The following ST3GAL3 variants were observed in gnomAD, a reference collection of about 807,000 sequenced individuals.
ST3GAL3 encodes CMP-N-acetylneuraminate-beta-1,4-galactoside alpha-2,3-sialyltransferase.
ST3GAL3 carries 21 observed loss-of-function variants against 50.1 expected under a neutral mutation model. The ratio of observed to expected loss-of-function variants is 0.42; its 90% CI spans 0.30 to 0.60. The LOEUF (loss-of-function observed/expected upper bound fraction) is 0.60. ST3GAL3 is among the 20% of genes least tolerant of loss of function. The probability of loss-of-function intolerance (pLI) is 0.19; values close to 1 mark genes in which losing one functional copy is unlikely to be tolerated. For synonymous variants in ST3GAL3, 183 were observed against 190.0 expected (o/e 0.96, Z 0.30); for missense variants, 353 against 489.4 (o/e 0.72, Z 2.63).
chr1:43,765,768 TGTGTGTGTGTGTGTGTGC>T (rs1173866405), intron 2 of ST3GAL3, among the ~76,000 whole-genome samples: 5 of 134,920 alleles, frequency 3.7e-5, no homozygotes, highest in Non-Finnish European at 7.8e-5. Context: ...TGTGTGTGTG[TGTGTGTGTGTGTGTGTGC>T]GCGCGCGCGC....
At chr1:43,752,448 C>A (rs1035765804) in intron 2 of ST3GAL3, among the ~76,000 whole-genome samples, 16 of 152,196 alleles carry the variant, frequency 1.1e-4, no homozygotes, top group African/African-American at 3.9e-4. Context: ...CCACCTGTTT[C>A]ATAGACTAAA....
chr1:43,779,383 G>C (rs1698585252), intron 2 of ST3GAL3, among the ~76,000 whole-genome samples: 1 of 152,176 alleles, frequency 6.6e-6, no homozygotes, highest in Admixed American at 6.5e-5. Context: ...TTTAGTGTTT[G>C]TTCGTATTGA....
intron 1 of ST3GAL3, among the ~76,000 whole-genome samples, chr1:43,731,149 C>T (rs1675580024): frequency 6.6e-6 from 1 of 151,858 alleles, no homozygotes; most frequent in Admixed American, 6.6e-5. Flanking sequence ...CCTACCTTAG[C>T]CTCCCAATTG....
At chr1:43,748,245 C>CA (rs1352986886) in intron 2 of ST3GAL3, among the ~76,000 whole-genome samples, 1 of 151,608 alleles carries the variant, frequency 6.6e-6, no homozygotes, top group African/African-American at 2.4e-5. Context: ...GCAATAGCAT[C>CA]AAAAAAATAA....
chr1:43,795,401 G>T (rs1330133056), intron 3 of ST3GAL3, among the ~76,000 whole-genome samples: 1 of 152,100 alleles, frequency 6.6e-6, no homozygotes, highest in African/African-American at 2.4e-5. Flanking sequence ...CAGTTTTCCC[G>T]ACAACACCTA....
At chr1:43,778,644 CTTTTTTTTT>C (rs35726867) in intron 2 of ST3GAL3, among the ~76,000 whole-genome samples, 1 of 118,704 alleles carries the variant, frequency 8.4e-6, no homozygotes. Flanking sequence ...TTCTTTTTTT[CTTTTTTTTT>C]TTTTTTTTTT....
intron 5 of ST3GAL3, among the ~76,000 whole-genome samples, chr1:43,849,830 G>A (rs79287383): frequency 2.6e-5 from 4 of 152,214 alleles, no homozygotes; most frequent in East Asian, 3.8e-4. Flanking sequence ...CTTCAGAGGC[G>A]AATTCAGCTC....
At chr1:43,824,481 T>A (rs2062520614) in intron 4 of ST3GAL3, among the ~76,000 whole-genome samples, 2 of 152,062 alleles carry the variant, frequency 1.3e-5, no homozygotes, top group African/African-American at 4.8e-5. Context: ...ACAGAGAAAT[T>A]AACCTTGAGA....
intron 1 of ST3GAL3, among the ~76,000 whole-genome samples, chr1:43,721,656 C>T (rs960117043): frequency 6.6e-5 from 10 of 151,858 alleles, no homozygotes; most frequent in African/African-American, 1.5e-4. Context: ...GGCTGGAGTG[C>T]GATGGTGTGA....
intron 5 of ST3GAL3, among the ~76,000 whole-genome samples, chr1:43,882,353 G>T (rs181445271): frequency 2.0e-5 from 3 of 152,136 alleles, no homozygotes; most frequent in Admixed American, 6.5e-5. Flanking sequence ...AGGAGAAGAG[G>T]GGGTATCTGA....
intron 2 of ST3GAL3, among the ~76,000 whole-genome samples, chr1:43,791,421 T>TTGAA (rs578007343): frequency 0.075 from 8,025 of 107,154 alleles, 659 homozygotes; most frequent in African/African-American, 0.3. Flanking sequence ...GGACATTTGA[T>TTGAA]TGAATGAATG....
chr1:43,815,049 C>T (rs1394205175), intron 4 of ST3GAL3, 116 bp downstream of exon 4: 2 of 1,041,656 alleles, frequency 1.9e-6, no homozygotes, highest in Non-Finnish European at 3.0e-6. Context: ...CTCCCTGGGG[C>T]CTCTGTCCTC....
chr1:43,727,934 G>A (rs923831935), intron 1 of ST3GAL3, among the ~76,000 whole-genome samples: 8 of 152,082 alleles, frequency 5.3e-5, no homozygotes, highest in Admixed American at 5.2e-4. Flanking sequence ...GGTATTGTGT[G>A]ATGCTGAGAT....
At chr1:43,813,731 T>C (rs985109913) in intron 3 of ST3GAL3, among the ~76,000 whole-genome samples, 1 of 152,238 alleles carries the variant, frequency 6.6e-6, no homozygotes, top group African/African-American at 2.4e-5. Context: ...TATTAAAGCC[T>C]GAGTTCCTCG....
chr1:43,713,445 C>G (rs1258015050), intron 1 of ST3GAL3, among the ~76,000 whole-genome samples: 1 of 150,998 alleles, frequency 6.6e-6, no homozygotes, highest in Non-Finnish European at 1.5e-5. Context: ...TATTTCTAAT[C>G]TTTAGTATAT....
intron 4 of ST3GAL3, 48 bp downstream of exon 4, chr1:43,814,981 G>A (rs746298552): frequency 1.3e-6 from 2 of 1,586,334 alleles, no homozygotes; most frequent in Non-Finnish European, 8.7e-7. Context: ...AGAGGTCTGT[G>A]AGAGCTGGGT....
intron 2 of ST3GAL3, among the ~76,000 whole-genome samples, chr1:43,788,891 C>T (rs2057689546): frequency 6.7e-6 from 1 of 148,352 alleles, no homozygotes; most frequent in Non-Finnish European, 1.5e-5. Context: ...TCAGAGAGGT[C>T]TTCAAGAAGA....
intron 2 of ST3GAL3, among the ~76,000 whole-genome samples, chr1:43,762,168 G>T (rs1401224718): frequency 6.6e-6 from 1 of 150,796 alleles, no homozygotes; most frequent in African/African-American, 2.4e-5. Context: ...CCACTTGGGA[G>T]GCTAAGGCAG....
chr1:43,928,381 A>C (rs2084396243), intron 11 of ST3GAL3, among the ~76,000 whole-genome samples: 1 of 152,122 alleles, frequency 6.6e-6, no homozygotes, highest in Non-Finnish European at 1.5e-5. Context: ...CTGGTGGATC[A>C]CAAGGTCAGG....
Sources: allele counts gnomAD v4.1 joint callset (sites outside exome capture counted in the v4.1 genomes callset), GRCh38; gene constraint gnomAD v4.1.1; transcripts MANE v1.5; gene names NCBI Gene and HGNC (gene_info 2026-07-23, HGNC 2026-07-21).